The following USP40 variants were observed in gnomAD, a reference collection of about 807,000 sequenced individuals.
USP40 encodes ubiquitin carboxyl-terminal hydrolase 40.
In USP40, 143 loss-of-function variants were observed where a neutral mutation model predicts 166.2. That is an observed-to-expected ratio of 0.86 (90% CI 0.75 to 0.99). USP40 has a LOEUF of 0.99. Among genes scored for constraint, USP40 ranks in the 50% least tolerant of loss-of-function variants. USP40 has a pLI of 0.00. For synonymous variants in USP40, 498 were observed against 524.0 expected, an observed-to-expected ratio of 0.95 and a Z score of 0.68; for missense variants, 1,444 against 1,479.7, an observed-to-expected ratio of 0.98 and a Z score of 0.40.
chr2:233,494,926 A>ATATATATATATATATATATATATATATT, intron 24 of USP40, among the ~76,000 whole-genome samples: 1 of 32,012 alleles, frequency 3.1e-5, no homozygotes, highest in East Asian at 6.6e-4. Context: ...ATATATATAT[A>ATATATATATATATATATATATATATATT]TATATATATA....
intron 17 of USP40, among the ~76,000 whole-genome samples, chr2:233,520,388 A>G (rs1024202131): frequency 2.6e-4 from 39 of 152,050 alleles, no homozygotes; most frequent in African/African-American, 9.2e-4. Flanking sequence ...AAATTATAAT[A>G]TTTATATAAA....
chr2:233,566,654 C>T, intron 1 of USP40, 30 bp downstream of exon 1: 1 of 982,752 alleles, frequency 1.0e-6, no homozygotes, highest in Non-Finnish European at 1.2e-6. Context: ...CACGTCCCTC[C>T]CAGGATCCCC....
At position 233,507,976 on chromosome 2, in the gene USP40, T is replaced by A. The variant is rs141823518; in HGVS notation, c.2613+2073A>T. Among the ~76,000 whole-genome samples, 870 of 152,254 alleles carry A rather than the reference T, an allele frequency of 5.7e-3. 10 individuals carry two copies. Among genetic ancestry groups the A allele is most frequent in the African/African-American group, 0.019 (808 of 41,550 alleles). The stretch of plus-strand genomic sequence containing the variant: ...AAATACGTGTCAATTTAATTTTTTT[T>A]AAATAGTTTCAGATTTTGGAGCATT... On this transcript the variant is annotated intron_variant, in intron 21 of 31. Transcript: ENST00000678225.
intron 11 of USP40, among the ~76,000 whole-genome samples, chr2:233,531,964 A>G (rs1371461019): frequency 6.6e-6 from 1 of 152,192 alleles, no homozygotes; most frequent in African/African-American, 2.4e-5. Flanking sequence ...CTAGAACTAA[A>G]TTGAAAGGAA....
chr2:233,489,547 T>TGA, intron 26 of USP40, 64 bp from the exon 27 acceptor site: 1 of 1,335,638 alleles, frequency 7.5e-7, no homozygotes, highest in Non-Finnish European at 1.0e-6. Context: ...CATACTGTTT[T>TGA]AGAAAAAAAA....
In USP40 at chr2:233,477,304, C is replaced by T; in HGVS notation, c.*88G>A. On this transcript the variant is annotated 3_prime_UTR_variant, in exon 32 of 32. Coordinates refer to ENST00000678225, the MANE Select transcript of USP40 (RefSeq NM_001365479.2). ...AGCAGAGGATTTGGGATTGGAGGCGCCAGGCAGCCAGTCCCCATGCCCAGG... is the reference window on the plus strand; with the variant it reads ...AGCAGAGGATTTGGGATTGGAGGCGTCAGGCAGCCAGTCCCCATGCCCAGG... 1 of 1,244,578 alleles carries T rather than the reference C, an allele frequency of 8.0e-7. No homozygotes were observed. Among genetic ancestry groups the T allele is most frequent in the African/African-American group, 1.5e-5 (1 of 67,284 alleles). The allele number at this position is 1,244,578 out of a possible 1,614,324, so 77.1% of individuals were successfully genotyped here. A position where few individuals can be genotyped will look rare whatever the true frequency, so the allele number is the denominator to read the frequency against.
chr2:233,516,810 T>C (rs1249367388), intron 18 of USP40, among the ~76,000 whole-genome samples: 2 of 151,832 alleles, frequency 1.3e-5, no homozygotes, highest in East Asian at 3.9e-4. Flanking sequence ...TGAGCCAAGA[T>C]TGCTGCCCTG....
At chr2:233,478,926 CAG>C (rs1219505214) in intron 31 of USP40, among the ~76,000 whole-genome samples, 2 of 152,202 alleles carry the variant, frequency 1.3e-5, no homozygotes, top group South Asian at 2.1e-4. Flanking sequence ...GAGGGAGGTG[CAG>C]AGATTTCTCA....
At chr2:233,479,575 A>C (rs905641020) in intron 31 of USP40, among the ~76,000 whole-genome samples, 1 of 151,900 alleles carries the variant, frequency 6.6e-6, no homozygotes, top group Non-Finnish European at 1.5e-5. Flanking sequence ...AAAAAAAAAA[A>C]ATTTGGAAAA....
rs1482832928 is a variant in USP40 at position 233,482,587 on chromosome 2, TTTTTTTTG to T, written c.3505-1298_3505-1291del. Among the ~76,000 whole-genome samples, 1,390 of 147,258 alleles carry T rather than the reference TTTTTTTTG, an allele frequency of 9.4e-3. 28 individuals carry two copies. Among genetic ancestry groups the T allele is most frequent in the African/African-American group, 0.035 (1,297 of 37,494 alleles). ...CAACTTGTGTTCCCACTGGAGTTTTTTTTTTTTGTTTTTTTTTTTTTGACACACGGTCT... is the reference window on the plus strand; with the variant it reads ...CAACTTGTGTTCCCACTGGAGTTTTTTTTTTTTTTTTTTGACACACGGTCT... On this transcript the variant is annotated intron_variant, in intron 30 of 31. Transcript: ENST00000678225.
chr2:233,533,700 T>C lies in USP40; in HGVS notation c.1250A>G (p.Gln417Arg), dbSNP rs183090760. The C allele has an allele frequency of 6.2e-7, 1 of 1,613,624 alleles. No individual in the cohort carries two copies. The highest frequency in any genetic ancestry group is 2.2e-5 in the East Asian group (1 of 44,858). The change falls in exon 11 of 32, where the codon CAG becomes CGG. Residue 417 changes from glutamine to arginine, a missense_variant. Coordinates refer to ENST00000678225, the MANE Select transcript of USP40 (RefSeq NM_001365479.2). ...ATTCCTTTGGAAATCAGACTCAGCC[T>C]GGAGAGAACTATTCTTCAAGAGACG... The part of the protein sequence containing the change: ...TVRLLKNSSL[Q>R]AESDFQRNDQ...
intron 30 of USP40, among the ~76,000 whole-genome samples, chr2:233,483,999 T>C (rs777393815): frequency 6.6e-6 from 1 of 152,214 alleles, no homozygotes; most frequent in Non-Finnish European, 1.5e-5. Flanking sequence ...ACCCTGTCCA[T>C]GAGCCTGTTT....
chr2:233,565,327 G>A (rs1218715699), intron 2 of USP40, 29 bp downstream of exon 2: 8 of 1,452,952 alleles, frequency 5.5e-6, no homozygotes, highest in Admixed American at 2.0e-5. Flanking sequence ...GGTACATATT[G>A]CTAGTTAAAT....
chr2:233,514,987 T>C (rs1372434958), intron 18 of USP40, among the ~76,000 whole-genome samples: 4 of 152,202 alleles, frequency 2.6e-5, no homozygotes, highest in Non-Finnish European at 5.9e-5. Flanking sequence ...AAGTGTCCTA[T>C]GTATGGAACC....
Position 233,533,526 on chromosome 2 carries a change from G to C in USP40, c.1424C>G (p.Ala475Gly), listed in dbSNP as rs750792832. 6.2e-7 allele frequency: 1 copy of C among 1,613,758 alleles called. No individual in the cohort carries two copies. The highest frequency in any genetic ancestry group is 1.1e-5 in the South Asian group (1 of 91,066). The change falls in exon 11 of 32, where the codon GCC becomes GGC. Residue 475 changes from alanine to glycine, a missense_variant. Transcript: ENST00000678225. ...IEQQFQGKES[A>G]YMLFYRKSQL... is the part of the protein sequence containing the mutation. ...GGATTTCCGATAAAACAACATGTAG[G>C]CACTTTCTTTACCCTGAAATTGCTG...
At chr2:233,554,805 A>G (rs2070903906) in intron 5 of USP40, among the ~76,000 whole-genome samples, 1 of 152,188 alleles carries the variant, frequency 6.6e-6, no homozygotes, top group Non-Finnish European at 1.5e-5. Flanking sequence ...GGAAATATAA[A>G]CCACAATAAG....
At chr2:233,529,294 A>T in intron 12 of USP40, 137 bp downstream of exon 12, 2 of 644,104 alleles carry the variant, frequency 3.1e-6, no homozygotes, top group Non-Finnish European at 5.0e-6. Flanking sequence ...ATAAAAATTC[A>T]GCAGCCAAAC....
Position 233,493,795 on chromosome 2 carries a change from T to C in USP40, c.2791-244A>G, listed in dbSNP as rs932324611. 7.2e-5 allele frequency among the ~76,000 whole-genome samples: 11 copies of C among 152,196 alleles called. No homozygotes were observed. The highest frequency in any genetic ancestry group is 3.8e-4 in the East Asian group (2 of 5,200). ...TGCTTAAAGGTATCTTAGTAGATAA[T>C]ATAAATGAGAAGCATAAACAAGAAC... On this transcript the variant is annotated intron_variant, in intron 24 of 31. Transcript: ENST00000678225. The surrounding 1 kb of genome is among the most constrained non-coding windows in gnomAD (Gnocchi z 4.7).
intron 8 of USP40, among the ~76,000 whole-genome samples, chr2:233,543,027 A>G (rs2069569410): frequency 6.6e-6 from 1 of 152,152 alleles, no homozygotes; most frequent in Non-Finnish European, 1.5e-5. Flanking sequence ...AATTCTACTC[A>G]TCTTTGCAGG....
Sources: gnomAD v4.1 joint callset for allele counts (sites outside exome capture counted in the v4.1 genomes callset) on GRCh38, gnomAD v4.1.1 for gene constraint, Gnocchi (gnomAD v3.1) non-coding constraint, MANE v1.5 for transcripts, NCBI Gene and HGNC (gene_info 2026-07-23, HGNC 2026-07-21) for gene names.